COG5: variants seen among roughly 807,000 people sequenced by gnomAD.
COG5 encodes component of oligomeric golgi complex 5.
A neutral mutation model predicts 110.4 loss-of-function variants in COG5; 86 were observed. The observed-to-expected ratio is 0.78, with a 90% CI of 0.65 to 0.93. The LOEUF (loss-of-function observed/expected upper bound fraction) is 0.93. Ranked by LOEUF, COG5 falls within the 40% of genes least tolerant of loss-of-function variation. COG5 has a pLI of 0.00. For synonymous variants in COG5, 360 were observed against 334.6 expected, an observed-to-expected ratio of 1.08 and a Z score of -0.83; for missense variants, 1,077 against 987.0, an observed-to-expected ratio of 1.09 and a Z score of -1.22.
intron 10 of COG5, among the ~76,000 whole-genome samples, chr7:107,347,209 A>G (rs1811696620): frequency 6.6e-6 from 1 of 152,166 alleles, no homozygotes; most frequent in Non-Finnish European, 1.5e-5. Context: ...TGTTAAAAAG[A>G]GGTATTACGT....
At chr7:107,209,931 G>C (rs944741845) in intron 21 of COG5, 1 of 986,788 alleles carries the variant, frequency 1.0e-6, no homozygotes, top group African/African-American at 1.7e-5. Flanking sequence ...TTGCAGGGAA[G>C]AGTGTTGCTT....
intron 10 of COG5, among the ~76,000 whole-genome samples, chr7:107,351,338 C>T (rs1201062651): frequency 6.6e-6 from 1 of 152,150 alleles, no homozygotes; most frequent in African/African-American, 2.4e-5. Context: ...ACATGTTAGA[C>T]CTAAAACCAT....
chr7:107,408,083 G>A (rs1157311203), intron 7 of COG5, among the ~76,000 whole-genome samples: 2 of 152,156 alleles, frequency 1.3e-5, no homozygotes, highest in Admixed American at 6.5e-5. Context: ...TATGAAACAA[G>A]AATACAGAAA....
intron 10 of COG5, among the ~76,000 whole-genome samples, chr7:107,333,281 G>A (rs1037921389): frequency 6.6e-6 from 1 of 152,140 alleles, no homozygotes; most frequent in Non-Finnish European, 1.5e-5. Flanking sequence ...ATTTCTCTTT[G>A]TTGAAAAATA....
chr7:107,356,398 C>T (rs2129043893), intron 10 of COG5, among the ~76,000 whole-genome samples: 1 of 152,252 alleles, frequency 6.6e-6, no homozygotes, highest in South Asian at 2.1e-4. Context: ...CAAGTACAGA[C>T]TACTGCTTGT....
rs1013314978 is a variant in COG5, at chr7:107,367,026, C to T, written c.836-4606G>A. Among the ~76,000 whole-genome samples, 4 of 151,968 alleles carry T rather than the reference C, an allele frequency of 2.6e-5. No homozygotes were observed. The South Asian group carries it at 8.3e-4, about 32-fold the overall frequency. On this transcript the variant is annotated intron_variant, in intron 8 of 21. Coordinates refer to ENST00000297135, the MANE Select transcript of COG5 (RefSeq NM_006348.5). ...GGTCATAAATCTAAGCTATGCCTTT[C>T]GGTGTATTTTTTTTTAACAGTAATA...
chr7:107,324,405 T>C (rs752247069), intron 11 of COG5, 35 bp downstream of exon 11: 2 of 1,319,764 alleles, frequency 1.5e-6, no homozygotes, highest in Non-Finnish European at 2.2e-6. Context: ...ACTTAAAACT[T>C]TGAAATTAAT....
At chr7:107,507,566 C>T (rs542989397) in intron 6 of COG5, among the ~76,000 whole-genome samples, 3 of 151,216 alleles carry the variant, frequency 2.0e-5, no homozygotes, top group Non-Finnish European at 4.4e-5. Flanking sequence ...CTCAGCCTCC[C>T]GAAGTGCTGG....
At chr7:107,204,346 C>T (rs1275923288) in intron 21 of COG5, among the ~76,000 whole-genome samples, 1 of 152,074 alleles carries the variant, frequency 6.6e-6, no homozygotes, top group Non-Finnish European at 1.5e-5. Flanking sequence ...AGGCAGAGAC[C>T]ATGTGGCCTG....
intron 12 of COG5, 143 bp from the exon 13 acceptor site, chr7:107,283,875 A>G: frequency 1.5e-6 from 1 of 654,740 alleles, no homozygotes; most frequent in Non-Finnish European, 2.7e-6. Flanking sequence ...AATTTGTTTC[A>G]CAACGTACAT....
chr7:107,302,373 A>C (rs2116940496), intron 11 of COG5, among the ~76,000 whole-genome samples: 1 of 152,242 alleles, frequency 6.6e-6, no homozygotes, highest in African/African-American at 2.4e-5. Flanking sequence ...GGAATGGGGG[A>C]GGGAGATAGT....
chr7:107,342,062 G>T lies in COG5; in HGVS notation c.1027-17541C>A, dbSNP rs548450811. ...TAGGCTTAAGAGCTGCTTTGTAAAA[G>T]AAGCTATCAAAAGAGTAAACCAACA... On this transcript the variant is annotated intron_variant, in intron 10 of 21. Coordinates refer to ENST00000297135, the MANE Select transcript of COG5 (RefSeq NM_006348.5). Among the ~76,000 whole-genome samples the T allele has an allele frequency of 2.6e-5, 4 of 152,180 alleles. No homozygotes were observed. In the East Asian group the frequency reaches 7.7e-4, roughly 29 times the overall value.
chr7:107,290,822 G>A (rs1328671080), intron 12 of COG5, among the ~76,000 whole-genome samples: 2 of 150,238 alleles, frequency 1.3e-5, no homozygotes, highest in Admixed American at 1.3e-4. Flanking sequence ...TTTGGGAAGG[G>A]GGCGTGGGGA....
chr7:107,545,763 G>C (rs1802369910), intron 5 of COG5, among the ~76,000 whole-genome samples: 1 of 116,246 alleles, frequency 8.6e-6, no homozygotes, highest in Non-Finnish European at 1.6e-5. Context: ...CTGGGTGAGA[G>C]AGTGAGACTC....
intron 6 of COG5, among the ~76,000 whole-genome samples, chr7:107,461,148 A>G (rs1795965880): frequency 6.6e-6 from 1 of 152,172 alleles, no homozygotes; most frequent in Non-Finnish European, 1.5e-5. Flanking sequence ...ATAAAAGAAA[A>G]TGACAGACCA....
intron 10 of COG5, among the ~76,000 whole-genome samples, chr7:107,349,683 A>G (rs113605659): frequency 0.09 from 13,683 of 151,864 alleles, 921 homozygotes; most frequent in African/African-American, 0.19. Flanking sequence ...TCAGCCTCCC[A>G]AGTAGCTGGT....
intron 17 of COG5, among the ~76,000 whole-genome samples, chr7:107,238,809 T>C (rs1228865392): frequency 6.6e-6 from 1 of 152,236 alleles, no homozygotes; most frequent in Non-Finnish European, 1.5e-5. Context: ...TTGAGAAATG[T>C]CTGTTCAGGT....
chr7:107,359,664 C>G (rs959365060), intron 10 of COG5, among the ~76,000 whole-genome samples: 2 of 152,216 alleles, frequency 1.3e-5, no homozygotes, highest in African/African-American at 4.8e-5. Flanking sequence ...CCTTCTGAAG[C>G]CCATAAAAAC....
chr7:107,404,654 G>C (rs1441723060), intron 7 of COG5, among the ~76,000 whole-genome samples: 1 of 152,000 alleles, frequency 6.6e-6, no homozygotes, highest in Non-Finnish European at 1.5e-5. Context: ...CATAAAATGT[G>C]CACGTTTAAA....
Sources: allele counts gnomAD v4.1 joint callset (sites outside exome capture counted in the v4.1 genomes callset), GRCh38; gene constraint gnomAD v4.1.1; transcripts MANE v1.5; gene names NCBI Gene and HGNC (gene_info 2026-07-23, HGNC 2026-07-21).